MAP4K4: variants seen among roughly 807,000 people sequenced by gnomAD.
MAP4K4 encodes the protein HPK/GCK-like kinase HGK.
Under a neutral mutation model 189.6 loss-of-function variants are expected in MAP4K4, and 38 were observed. The ratio of observed to expected loss-of-function variants is 0.20; its 90% CI spans 0.15 to 0.26. MAP4K4 has a LOEUF of 0.26. Among genes scored for constraint, MAP4K4 ranks in the 10% least tolerant of loss-of-function variants. The pLI, the probability that MAP4K4 is intolerant of heterozygous loss-of-function variation, is 1.00. For synonymous variants in MAP4K4, 610 were observed against 624.3 expected, an observed-to-expected ratio of 0.98 and a Z score of 0.34; for missense variants, 1,054 against 1,726.9, an observed-to-expected ratio of 0.61 and a Z score of 6.91.
intron 2 of MAP4K4, among the ~76,000 whole-genome samples, chr2:101,767,612 T>C (rs1281403442): frequency 2.6e-5 from 4 of 152,228 alleles, no homozygotes; most frequent in Admixed American, 2.6e-4. Flanking sequence ...AATCATTTGG[T>C]GTGAACCAAT....
At chr2:101,707,708 T>G (rs2043102805) in intron 2 of MAP4K4, among the ~76,000 whole-genome samples, 1 of 143,332 alleles carries the variant, frequency 7.0e-6, no homozygotes, top group South Asian at 2.3e-4. Flanking sequence ...TTTTTTTTTT[T>G]GAGACGGAGT....
intron 2 of MAP4K4, among the ~76,000 whole-genome samples, chr2:101,768,108 C>T (rs778504119): frequency 6.6e-5 from 10 of 152,188 alleles, no homozygotes; most frequent in Non-Finnish European, 1.3e-4. Flanking sequence ...GTTACTTAAG[C>T]TGCCTCTCTA....
At chr2:101,786,887 C>T (rs2091467900) in intron 2 of MAP4K4, among the ~76,000 whole-genome samples, 1 of 152,168 alleles carries the variant, frequency 6.6e-6, no homozygotes, top group Non-Finnish European at 1.5e-5. Context: ...CTTATAAACA[C>T]ATTAATGTTT....
chr2:101,790,679 A>T, intron 2 of MAP4K4, 41 bp from the exon 3 acceptor site: 1 of 1,497,998 alleles, frequency 6.7e-7, no homozygotes, highest in Non-Finnish European at 9.2e-7. Context: ...TTGTGCAAAA[A>T]AATTGGTGCT....
chr2:101,815,795 T>G lies in MAP4K4; in HGVS notation c.181-8133T>G, dbSNP rs567063791. ...TCTGAGTCCTGTGAATGACGAGTTT[T>G]TCCAATCTAGCCAACGGCAGGAGGC... On this transcript the variant is annotated intron_variant, in intron 3 of 32. Coordinates refer to ENST00000324219, the Ensembl canonical transcript of MAP4K4. Among the ~76,000 whole-genome samples the G allele has an allele frequency of 5.9e-5, 9 of 152,290 alleles. No homozygotes were observed. In the South Asian group the frequency reaches 1.9e-3, roughly 32 times the overall value.
chr2:101,755,186 C>CT (rs72002390), intron 2 of MAP4K4, among the ~76,000 whole-genome samples: 256 of 144,404 alleles, frequency 1.8e-3, no homozygotes, highest in African/African-American at 5.0e-3. Flanking sequence ...CCCCTCCTCG[C>CT]TTTTTTTTTT....
At chr2:101,774,207 C>T (rs1183499775) in intron 2 of MAP4K4, among the ~76,000 whole-genome samples, 2 of 152,166 alleles carry the variant, frequency 1.3e-5, no homozygotes, top group Admixed American at 1.3e-4. Context: ...TTCTCCTCAT[C>T]CTCGCCAGCA....
At chr2:101,779,809 CTTT>C (rs34853403) in intron 2 of MAP4K4, among the ~76,000 whole-genome samples, 3 of 143,710 alleles carry the variant, frequency 2.1e-5, no homozygotes, top group African/African-American at 5.1e-5. Flanking sequence ...TTTCACCTCT[CTTT>C]TTTTTTTTTT....
chr2:101,705,211 A>G (rs1420969149), intron 2 of MAP4K4, among the ~76,000 whole-genome samples: 1 of 152,218 alleles, frequency 6.6e-6, no homozygotes, highest in Non-Finnish European at 1.5e-5. Flanking sequence ...GGGTGGTTTC[A>G]TGCAGGTACT....
chr2:101,716,455 GAAAC>G (rs1360176951), intron 2 of MAP4K4, among the ~76,000 whole-genome samples: 1 of 147,368 alleles, frequency 6.8e-6, no homozygotes, highest in African/African-American at 2.5e-5. Flanking sequence ...AACAAAAACA[GAAAC>G]AAACAAAAAA....
chr2:101,796,468 A>G (rs185240336), intron 3 of MAP4K4, among the ~76,000 whole-genome samples: 1 of 152,324 alleles, frequency 6.6e-6, no homozygotes, highest in African/African-American at 2.4e-5. Flanking sequence ...CTTGCTCAGG[A>G]GTACATTGCT....
At chr2:101,740,586 A>T (rs938683047) in intron 2 of MAP4K4, among the ~76,000 whole-genome samples, 4 of 152,228 alleles carry the variant, frequency 2.6e-5, no homozygotes, top group Non-Finnish European at 4.4e-5. Context: ...CCAGTAGAAT[A>T]AAAACTTGAA....
Position 101,835,896 on chromosome 2 carries a change from C to G in MAP4K4, c.695-4C>G. On this transcript the variant is annotated splice_region_variant and splice_polypyrimidine_tract_variant and intron_variant, in intron 8 of 32. Transcript: ENST00000324219. ...ATACTGACACGACCGTCTCCTCTCC[C>G]CAGCTCTCTGTGACATGCATCCAAT... 6.2e-7 allele frequency: 1 copy of G among 1,608,888 alleles called. No individual in the cohort carries two copies.
chr2:101,831,601 C>T, intron 6 of MAP4K4, 120 bp from the exon 7 acceptor site: 1 of 1,095,868 alleles, frequency 9.1e-7, no homozygotes, highest in Non-Finnish European at 1.4e-6. Context: ...ATCGCATATT[C>T]ATGAAGCACT....
rs147042906 is a variant in MAP4K4 at position 101,701,626 on chromosome 2, A to G, written c.123+3088A>G. On this transcript the variant is annotated intron_variant, in intron 2 of 32. Coordinates refer to ENST00000324219, the Ensembl canonical transcript of MAP4K4. ...GTATAGTTGAACAGTATGTAACTTC[A>G]TCTTAAAAGAAGGAGGTGAAAAACG... Among the ~76,000 whole-genome samples the G allele has an allele frequency of 4.2e-3, 640 of 152,316 alleles. 4 individuals are homozygous for G. Among genetic ancestry groups the G allele is most frequent in the African/African-American group, 0.015 (613 of 41,574 alleles).
At chr2:101,698,478 T>C in exon 2 of MAP4K4, 1 of 1,613,824 alleles carries the variant, frequency 6.2e-7, no homozygotes, top group Middle Eastern at 1.6e-4. Context: ...TCCAGGATCC[T>C]GCTGGGATTT....
chr2:101,761,652 A>G (rs2076504236), intron 2 of MAP4K4, among the ~76,000 whole-genome samples: 1 of 150,114 alleles, frequency 6.7e-6, no homozygotes, highest in African/African-American at 2.5e-5. Flanking sequence ...TCCGCCTCCC[A>G]GGTTCAAGCA....
At chr2:101,814,745 A>G (rs2095620842) in intron 3 of MAP4K4, among the ~76,000 whole-genome samples, 1 of 152,176 alleles carries the variant, frequency 6.6e-6, no homozygotes, top group South Asian at 2.1e-4. Context: ...CCAGGTGATC[A>G]TTGTTTTTAT....
intron 2 of MAP4K4, among the ~76,000 whole-genome samples, chr2:101,764,277 T>C (rs2150229896): frequency 6.6e-6 from 1 of 152,226 alleles, no homozygotes; most frequent in East Asian, 1.9e-4. Flanking sequence ...TCTGAAAAAT[T>C]ATACCCAAAT....
Sources: gnomAD v4.1 joint callset for allele counts (sites outside exome capture counted in the v4.1 genomes callset) on GRCh38, gnomAD v4.1.1 for gene constraint, MANE v1.5 for transcripts, NCBI Gene and HGNC (gene_info 2026-07-23, HGNC 2026-07-21) for gene names.